Variants in LGR5 observed in about 807,000 individuals in gnomAD.
LGR5 encodes the protein leucine-rich repeat-containing G protein-coupled receptor 5.
A neutral mutation model predicts 76.7 loss-of-function variants in LGR5; 54 were observed. The ratio of observed to expected loss-of-function variants is 0.70; its 90% CI spans 0.57 to 0.88. LGR5 has a LOEUF of 0.88. Among genes scored for constraint, LGR5 ranks in the 40% least tolerant of loss-of-function variants. The probability of loss-of-function intolerance (pLI) is 0.00; values close to 1 mark genes in which losing one functional copy is unlikely to be tolerated. For missense variants in LGR5, 1,078 were observed against 1,073.3 expected, an observed-to-expected ratio of 1.00 and a Z score of -0.06; for synonymous variants, 406 against 421.9, an observed-to-expected ratio of 0.96 and a Z score of 0.46.
chr12:71,450,880 T>A (rs1179054251), intron 1 of LGR5, among the ~76,000 whole-genome samples: 2 of 152,164 alleles, frequency 1.3e-5, no homozygotes, highest in Non-Finnish European at 2.9e-5. Context: ...GTCTTACCTA[T>A]ATTCAATCCT....
intron 11 of LGR5, among the ~76,000 whole-genome samples, chr12:71,569,600 A>G (rs552360260): frequency 2.0e-5 from 3 of 152,266 alleles, no homozygotes; most frequent in Non-Finnish European, 4.4e-5. Context: ...AGTCAAAACC[A>G]CAATGAGATA....
At chr12:71,578,753 C>T (rs763221745) in intron 14 of LGR5, 51 bp from the exon 15 acceptor site, 16 of 1,496,692 alleles carry the variant, frequency 1.1e-5, no homozygotes, top group East Asian at 4.8e-5. Flanking sequence ...TTAACATAAA[C>T]GTTTTATGCT....
chr12:71,547,750 G>A (rs2137397574), intron 4 of LGR5, among the ~76,000 whole-genome samples: 1 of 152,262 alleles, frequency 6.6e-6, no homozygotes, highest in Middle Eastern at 3.4e-3. Context: ...GGTAATAGGT[G>A]CATGCCACCA....
chr12:71,531,302 G>A lies in LGR5; in HGVS notation c.357-3813G>A, dbSNP rs117215749. Among the ~76,000 whole-genome samples the A allele has an allele frequency of 9.6e-3, 1,459 of 152,204 alleles. 4 individuals carry two copies. Among genetic ancestry groups the A allele is most frequent in the Middle Eastern group, 0.034 (10 of 294 alleles). Reference sequence around the variant, plus strand: ...TGTTTTGTTTCAATTGCACCCCCTAGCACTATAAACCTTGTAATTGTTTTC... The same window carrying A: ...TGTTTTGTTTCAATTGCACCCCCTAACACTATAAACCTTGTAATTGTTTTC... On this transcript the variant is annotated intron_variant, in intron 3 of 17. Transcript: ENST00000266674.
intron 2 of LGR5, among the ~76,000 whole-genome samples, chr12:71,518,484 C>G (rs1875557283): frequency 1.3e-5 from 2 of 152,240 alleles, no homozygotes; most frequent in East Asian, 1.9e-4. Flanking sequence ...TTCGACCCAG[C>G]AATACATTAC....
rs1333415938 is a variant in LGR5, at chr12:71,582,431, CATTCCAGGACTTCTTGTGCTGCAG to C, written c.1553-22_1554del. 1 of 1,602,896 alleles carries C rather than the reference CATTCCAGGACTTCTTGTGCTGCAG, an allele frequency of 6.2e-7. No individual in the cohort carries two copies. On this transcript the variant is annotated splice_acceptor_variant and splice_polypyrimidine_tract_variant and intron_variant, in intron 16 of 17. Transcript: ENST00000266674. LOFTEE classifies it high-confidence loss of function. ...CCTTGAAAAGAGAGTCAGAACTAATCATTCCAGGACTTCTTGTGCTGCAGATGAACGTGACCTTGAAGATTTCCT... is the reference window on the plus strand; with the variant it reads ...CCTTGAAAAGAGAGTCAGAACTAATCATGAACGTGACCTTGAAGATTTCCT...
At chr12:71,521,296 A>T (rs1024477194) in intron 2 of LGR5, among the ~76,000 whole-genome samples, 3 of 152,150 alleles carry the variant, frequency 2.0e-5, no homozygotes, top group Non-Finnish European at 4.4e-5. Flanking sequence ...TCAATCCTTG[A>T]CTTTCAGAGG....
At chr12:71,506,044 A>C (rs1047024960) in intron 2 of LGR5, among the ~76,000 whole-genome samples, 4 of 152,202 alleles carry the variant, frequency 2.6e-5, no homozygotes, top group African/African-American at 9.6e-5. Context: ...AAAATATGTA[A>C]AAGGAGTTTC....
chr12:71,493,216 G>A (rs1224574067), intron 1 of LGR5, among the ~76,000 whole-genome samples: 1 of 151,184 alleles, frequency 6.6e-6, no homozygotes, highest in Admixed American at 6.6e-5. Flanking sequence ...TATTTTTCTG[G>A]CATCTTTTTT....
At chr12:71,582,275 A>G (rs1353922914) in intron 16 of LGR5, 181 bp from the exon 17 acceptor site, 3 of 554,404 alleles carry the variant, frequency 5.4e-6, no homozygotes, top group East Asian at 6.1e-5. Context: ...CTAGAATAGT[A>G]TGTCATAGCA....
At chr12:71,495,078 C>CGG (rs895056599) in intron 1 of LGR5, among the ~76,000 whole-genome samples, 1 of 148,144 alleles carries the variant, frequency 6.8e-6, no homozygotes, top group South Asian at 2.1e-4. Context: ...GGGGCGTAGT[C>CGG]GGGGGGGGTC....
Position 71,481,529 on chromosome 12 carries a change from T to C in LGR5, c.213-23085T>C, listed in dbSNP as rs544133921. 2.2e-4 allele frequency among the ~76,000 whole-genome samples: 33 copies of C among 152,286 alleles called. No homozygotes were observed. In the South Asian group the frequency reaches 6.6e-3, roughly 31 times the overall value. On this transcript the variant is annotated intron_variant, in intron 1 of 17. Transcript: ENST00000266674. ...CATGTGGGTTGGTTCCAAGTCTTTG[T>C]TATTGTGAATAGTGCTGCATTAAAC... is the stretch of plus-strand genomic sequence containing the variant.
intron 1 of LGR5, among the ~76,000 whole-genome samples, chr12:71,445,551 T>C (rs759473628): frequency 2.0e-5 from 3 of 152,246 alleles, no homozygotes; most frequent in Non-Finnish European, 4.4e-5. Flanking sequence ...TTTCATAGTC[T>C]ATAATGTGGA....
intron 2 of LGR5, among the ~76,000 whole-genome samples, chr12:71,513,537 A>G (rs1251879626): frequency 6.6e-6 from 1 of 152,226 alleles, no homozygotes; most frequent in African/African-American, 2.4e-5. Context: ...ACTTTTCTAC[A>G]TAGTGTGAGC....
intron 3 of LGR5, among the ~76,000 whole-genome samples, chr12:71,527,549 A>G (rs1487583683): frequency 1.3e-5 from 2 of 152,232 alleles, no homozygotes; most frequent in Non-Finnish European, 2.9e-5. Flanking sequence ...GAATTAATCT[A>G]TTTCATATGA....
At chr12:71,523,916 A>T (rs1875848367) in intron 2 of LGR5, among the ~76,000 whole-genome samples, 1 of 152,226 alleles carries the variant, frequency 6.6e-6, no homozygotes, top group Non-Finnish European at 1.5e-5. Context: ...GGTAGAGTTT[A>T]GAAAAAATTG....
rs750963943 is a variant in LGR5, at chr12:71,580,384, G to A, written c.1513G>A (p.Asp505Asn). 1.9e-6 allele frequency: 3 copies of A among 1,613,832 alleles called. No individual in the cohort carries two copies. Among genetic ancestry groups the A allele is most frequent in the Non-Finnish European group, 2.5e-6 (3 of 1,179,870 alleles). ...WNKGDNSSMD[D>N]LHKKDAGMFQ... ...TAAAGGTGACAACAGCAGTATGGAC[G>A]ACCTTCATAAGAAAGATGCTGGAAT... Residue 505 changes from aspartate to asparagine, a missense_variant, in exon 16 of 18, where the codon GAC (aspartate) becomes AAC (asparagine). Asp to Asn is a conservative substitution (Grantham distance 23, BLOSUM62 1). Transcript: ENST00000266674.
In LGR5 at chr12:71,439,994, G is replaced by C. The variant is rs1240025793; in HGVS notation, c.-87G>C. On this transcript the variant is annotated 5_prime_UTR_variant, in exon 1 of 18. Transcript: ENST00000266674. The stretch of plus-strand genomic sequence containing the variant: ...CGCCCGCTGAGTTGCAGAAGCCCAC[G>C]GAGCGGCGCCCGGCGCGCCACGGCC... 25 of 1,318,378 alleles carry C rather than the reference G, an allele frequency of 1.9e-5. No individual in the cohort carries two copies. Among genetic ancestry groups the C allele is most frequent in the Non-Finnish European group, 2.6e-5 (25 of 946,876 alleles). 81.7% of individuals were successfully genotyped at this position (1,318,378 alleles called of 1,614,324 possible).
chr12:71,504,593 G>T (rs376745319), intron 1 of LGR5, 21 bp from the exon 2 acceptor site: 3 of 1,606,566 alleles, frequency 1.9e-6, no homozygotes, highest in South Asian at 1.1e-5. Flanking sequence ...CTCCTCACAC[G>T]CTGTCTGTTT....
Sources: gnomAD v4.1 joint callset for allele counts (sites outside exome capture counted in the v4.1 genomes callset) on GRCh38, gnomAD v4.1.1 for gene constraint, MANE v1.5 for transcripts, NCBI Gene and HGNC (gene_info 2026-07-23, HGNC 2026-07-21) for gene names.